Variants in CSMD1 observed in about 807,000 individuals in gnomAD.
CSMD1 encodes CUB and sushi domain-containing protein 1.
CSMD1 carries 213 observed loss-of-function variants against 417.5 expected under a neutral mutation model. That is an observed-to-expected ratio of 0.51 (90% CI 0.46 to 0.57). The LOEUF is 0.57. Among genes scored for constraint, CSMD1 ranks in the 20% least tolerant of loss-of-function variants. The probability of loss-of-function intolerance (pLI) is 0.00; values close to 1 mark genes in which losing one functional copy is unlikely to be tolerated. For synonymous variants in CSMD1, 2,862 were observed against 1,736.8 expected (o/e 1.65, Z -16.11); for missense variants, 6,923 against 4,529.7 (o/e 1.53, Z -15.17).
intron 2 of CSMD1, among the ~76,000 whole-genome samples, chr8:4,523,166 C>T (rs1024883187): frequency 2.0e-5 from 3 of 152,232 alleles, no homozygotes; most frequent in Non-Finnish European, 4.4e-5. Flanking sequence ...GTAATGATCT[C>T]GTCTATTTAG....
At chr8:4,463,558 A>G (rs532470921) in intron 2 of CSMD1, among the ~76,000 whole-genome samples, 90 of 152,308 alleles carry the variant, frequency 5.9e-4, no homozygotes, top group Non-Finnish European at 1.1e-3. Flanking sequence ...ATCATATTAA[A>G]TAGGATCCAG....
At chr8:4,246,912 A>G (rs894488124) in intron 3 of CSMD1, among the ~76,000 whole-genome samples, 1 of 152,218 alleles carries the variant, frequency 6.6e-6, no homozygotes, top group Admixed American at 6.5e-5. Context: ...ATGTTTCTTC[A>G]AAAAATCTTT....
At chr8:3,264,217 C>G (rs551000839) in intron 26 of CSMD1, among the ~76,000 whole-genome samples, 1 of 152,118 alleles carries the variant, frequency 6.6e-6, no homozygotes, top group African/African-American at 2.4e-5. Context: ...TATTAGATTT[C>G]TTAGGAAACA....
chr8:3,797,350 A>T (rs2129070858), intron 5 of CSMD1, among the ~76,000 whole-genome samples: 1 of 152,096 alleles, frequency 6.6e-6, no homozygotes, highest in East Asian at 1.9e-4. Flanking sequence ...GTTCACTGTC[A>T]CAAGTAGAGC....
Position 3,181,199 on chromosome 8 carries a change from G to A in CSMD1, c.5636C>T (p.Ala1879Val), listed in dbSNP as rs764702148. ...LGSFSGTTVP[A>V]LLNSTSNQLY... Reference sequence around the variant, plus strand: ...TTGGTTGGAAGTACTGTTCAGCAGTGCCGGTACTGTGGTGCCTGTAAGAAA... The same window carrying A: ...TTGGTTGGAAGTACTGTTCAGCAGTACCGGTACTGTGGTGCCTGTAAGAAA... Residue 1879 changes from alanine to valine, a missense_variant, in exon 37 of 70, where the codon GCA becomes GTA. Transcript: ENST00000635120. 3 of 1,612,978 alleles carry A rather than the reference G, an allele frequency of 1.9e-6. No individual in the cohort carries two copies. Among genetic ancestry groups the A allele is most frequent in the Middle Eastern group, 3.3e-4 (2 of 6,060 alleles).
intron 6 of CSMD1, among the ~76,000 whole-genome samples, chr8:3,730,928 T>C (rs958057189): frequency 2.6e-5 from 4 of 152,330 alleles, no homozygotes; most frequent in African/African-American, 9.6e-5. Context: ...TGCCATTTCT[T>C]GCCAAAGGTT....
intron 41 of CSMD1, among the ~76,000 whole-genome samples, chr8:3,123,381 C>T (rs1817318219): frequency 6.6e-6 from 1 of 152,172 alleles, no homozygotes; most frequent in Non-Finnish European, 1.5e-5. Context: ...TGCCTCCTCC[C>T]AATACTGCTA....
intron 3 of CSMD1, among the ~76,000 whole-genome samples, chr8:4,144,982 T>C (rs978864641): frequency 5.3e-5 from 8 of 151,120 alleles, no homozygotes; most frequent in Non-Finnish European, 1.2e-4. Context: ...ATAGCATTTG[T>C]TTCATAAAAC....
intron 2 of CSMD1, among the ~76,000 whole-genome samples, chr8:4,465,578 C>T (rs1454055071): frequency 6.6e-6 from 1 of 152,182 alleles, no homozygotes; most frequent in African/African-American, 2.4e-5. Flanking sequence ...GCCTGTTTTT[C>T]AGCAGGCCAC....
At chr8:4,597,140 A>C (rs984166125) in intron 2 of CSMD1, among the ~76,000 whole-genome samples, 30 of 152,232 alleles carry the variant, frequency 2.0e-4, no homozygotes, top group African/African-American at 5.8e-4. Context: ...TGCAGCTAAC[A>C]AAAGCAGTTT....
At chr8:3,360,210 T>G (rs1040094632) in intron 20 of CSMD1, among the ~76,000 whole-genome samples, 1 of 152,220 alleles carries the variant, frequency 6.6e-6, no homozygotes, top group African/African-American at 2.4e-5. Flanking sequence ...GTACTAAAAT[T>G]ACTATAAACC....
intron 12 of CSMD1, among the ~76,000 whole-genome samples, chr8:3,435,857 C>T (rs568524593): frequency 1.3e-5 from 2 of 152,344 alleles, no homozygotes; most frequent in South Asian, 4.1e-4. Flanking sequence ...CTTGATTCCT[C>T]CTGACTTTGC....
chr8:4,641,316 A>G (rs1375692744), intron 1 of CSMD1, among the ~76,000 whole-genome samples: 2 of 152,142 alleles, frequency 1.3e-5, no homozygotes, highest in Non-Finnish European at 2.9e-5. Flanking sequence ...TCTGGCTCCT[A>G]TCTAAAGTAA....
chr8:4,192,472 C>G (rs57080574), intron 3 of CSMD1, among the ~76,000 whole-genome samples: 1 of 152,208 alleles, frequency 6.6e-6, no homozygotes, highest in Middle Eastern at 3.4e-3. Flanking sequence ...CTCGGTAGCA[C>G]TGATGTTGAC....
At chr8:4,836,035 T>C (rs1383295701) in intron 1 of CSMD1, among the ~76,000 whole-genome samples, 1 of 152,204 alleles carries the variant, frequency 6.6e-6, no homozygotes, top group African/African-American at 2.4e-5. Context: ...TAGAGATGGT[T>C]TCTGCCTTCA....
chr8:3,052,719 G>A, intron 49 of CSMD1, 72 bp from the exon 50 acceptor site: 1 of 1,064,794 alleles, frequency 9.4e-7, no homozygotes. Flanking sequence ...ACCATTGATT[G>A]ATTAATCATT....
chr8:4,222,294 T>C (rs1049590375), intron 3 of CSMD1, among the ~76,000 whole-genome samples: 32 of 152,242 alleles, frequency 2.1e-4, no homozygotes, highest in African/African-American at 7.7e-4. Flanking sequence ...TTGCTTTTAA[T>C]TTTTAGGCAA....
chr8:4,297,783 T>C (rs1797766027), intron 3 of CSMD1, among the ~76,000 whole-genome samples: 1 of 152,184 alleles, frequency 6.6e-6, no homozygotes, highest in Admixed American at 6.5e-5. Context: ...AGGTGATACA[T>C]TTCAAAAGGA....
chr8:2,990,146 C>T (rs560441230), intron 54 of CSMD1, among the ~76,000 whole-genome samples: 25 of 152,198 alleles, frequency 1.6e-4, no homozygotes, highest in African/African-American at 3.6e-4. Flanking sequence ...TTTTCTGTCA[C>T]ACAAGGAAGA....
Sources: gnomAD v4.1 joint callset for allele counts (sites outside exome capture counted in the v4.1 genomes callset) on GRCh38, gnomAD v4.1.1 for gene constraint, MANE v1.5 for transcripts, NCBI Gene and HGNC (gene_info 2026-07-23, HGNC 2026-07-21) for gene names.